MAP2: variants seen among roughly 807,000 people sequenced by gnomAD.
MAP2 encodes the protein microtubule associated protein 2.
A neutral mutation model predicts 137.6 loss-of-function variants in MAP2; 14 were observed. The observed-to-expected ratio is 0.10, with a 90% CI of 0.07 to 0.16. MAP2 has a LOEUF of 0.16. Ranked by LOEUF, MAP2 falls within the 10% of genes least tolerant of loss-of-function variation. The probability of loss-of-function intolerance (pLI) is 1.00; values close to 1 mark genes in which losing one functional copy is unlikely to be tolerated. For synonymous variants in MAP2, 786 were observed against 782.3 expected (o/e 1.00, Z -0.08); for missense variants, 2,088 against 2,191.5 (o/e 0.95, Z 0.94).
At chr2:209,553,954 C>G (rs1395111191) in intron 2 of MAP2, among the ~76,000 whole-genome samples, 2 of 152,156 alleles carry the variant, frequency 1.3e-5, no homozygotes, top group African/African-American at 4.8e-5. Context: ...CTCGTGATGT[C>G]ACTGACCACA....
At position 209,695,952 on chromosome 2, in the gene MAP2, G is replaced by A. The variant is rs904913077; in HGVS notation, c.3782G>A (p.Gly1261Asp). 3 of 1,613,980 alleles carry A rather than the reference G, an allele frequency of 1.9e-6. No individual in the cohort carries two copies. Among genetic ancestry groups the A allele is most frequent in the East Asian group, 2.2e-5 (1 of 44,872 alleles). Residue 1261 changes from glycine to aspartate, a missense_variant, in exon 8 of 16, where the codon GGT (glycine) becomes GAT (aspartate). Transcript: ENST00000682079. Reference sequence around the variant, plus strand: ...GACACCCTTCAGATAACTGACCTGGGTGTCTCAGGTGCCAGGGAGGAATTT... The same window carrying A: ...GACACCCTTCAGATAACTGACCTGGATGTCTCAGGTGCCAGGGAGGAATTT... Reference protein sequence around the residue: ...RSDTLQITDLGVSGAREEFVE... With the variant: ...RSDTLQITDLDVSGAREEFVE...
chr2:209,724,499 A>G (rs1054323551), intron 13 of MAP2, among the ~76,000 whole-genome samples: 2 of 152,158 alleles, frequency 1.3e-5, no homozygotes, highest in African/African-American at 4.8e-5. Context: ...AGTAATTTAC[A>G]GGGTGTCGAG....
At chr2:209,436,029 T>TACAGTATATATTATAAATA (rs1553537341) in intron 1 of MAP2, among the ~76,000 whole-genome samples, 1 of 142,074 alleles carries the variant, frequency 7.0e-6, no homozygotes, top group Non-Finnish European at 1.5e-5. Flanking sequence ...ATATAAAATA[T>TACAGTATATATTATAAATA]ATATATATGT....
intron 1 of MAP2, among the ~76,000 whole-genome samples, chr2:209,499,945 C>T (rs2060186277): frequency 6.6e-6 from 1 of 152,136 alleles, no homozygotes; most frequent in Non-Finnish European, 1.5e-5. Flanking sequence ...GAATAAAATT[C>T]AACATGAGAT....
chr2:209,683,127 T>G (rs754388806), intron 7 of MAP2, among the ~76,000 whole-genome samples: 2 of 152,152 alleles, frequency 1.3e-5, no homozygotes, highest in Non-Finnish European at 2.9e-5. Context: ...TAGGGTAATA[T>G]GATGGATATA....
Position 209,696,571 on chromosome 2 carries a change from T to G in MAP2, c.4210T>G (p.Leu1404Val). ...DDDRSIMTEQ[L>V]ETIPKEEKAE... Reference sequence around the variant, plus strand: ...TGATAGGAGCATCATGACAGAACAGTTAGAAACTATTCCTAAAGAGGAGAA... The same window carrying G: ...TGATAGGAGCATCATGACAGAACAGGTAGAAACTATTCCTAAAGAGGAGAA... The change falls in exon 9 of 16, where the codon TTA becomes GTA. Residue 1404 changes from leucine to valine, a missense_variant. Leu to Val is a conservative substitution (Grantham distance 32, BLOSUM62 1). Coordinates refer to ENST00000682079, the MANE Select transcript of MAP2 (RefSeq NM_001375505.1). 1.9e-6 allele frequency: 3 copies of G among 1,613,718 alleles called. No individual in the cohort carries two copies. Among genetic ancestry groups the G allele is most frequent in the Non-Finnish European group, 2.5e-6 (3 of 1,179,888 alleles).
At chr2:209,648,288 A>G (rs2094538712) in intron 4 of MAP2, among the ~76,000 whole-genome samples, 1 of 151,940 alleles carries the variant, frequency 6.6e-6, no homozygotes, top group South Asian at 2.1e-4. Context: ...TTTTCTTGGG[A>G]CAGGGTTTCA....
intron 2 of MAP2, among the ~76,000 whole-genome samples, chr2:209,514,547 A>C (rs920002910): frequency 1.3e-5 from 2 of 152,154 alleles, no homozygotes; most frequent in Non-Finnish European, 2.9e-5. Flanking sequence ...CCCATTCCAA[A>C]GAATAACACA....
intron 2 of MAP2, among the ~76,000 whole-genome samples, chr2:209,535,463 A>G (rs1481210918): frequency 1.3e-5 from 2 of 152,020 alleles, no homozygotes; most frequent in East Asian, 1.9e-4. Flanking sequence ...AGAGATGTCC[A>G]TGTTCTCCTT....
chr2:209,604,887 C>T (rs1056876816), intron 3 of MAP2, among the ~76,000 whole-genome samples: 1 of 152,054 alleles, frequency 6.6e-6, no homozygotes, highest in Admixed American at 6.6e-5. Flanking sequence ...AATAAACTCC[C>T]AATTCTAATG....
intron 4 of MAP2, among the ~76,000 whole-genome samples, chr2:209,628,067 A>G (rs2092581769): frequency 6.6e-6 from 1 of 152,180 alleles, no homozygotes; most frequent in African/African-American, 2.4e-5. Flanking sequence ...TAACTTATGT[A>G]GAATTCACAT....
intron 1 of MAP2, among the ~76,000 whole-genome samples, chr2:209,458,128 C>T (rs1701969461): frequency 6.6e-6 from 1 of 151,986 alleles, no homozygotes; most frequent in Non-Finnish European, 1.5e-5. Context: ...GCCAGAAATC[C>T]CATTTAATAA....
chr2:209,508,367 T>C (rs1251966471), intron 2 of MAP2, among the ~76,000 whole-genome samples: 1 of 152,060 alleles, frequency 6.6e-6, no homozygotes, highest in Non-Finnish European at 1.5e-5. Context: ...ACTTTTTGTA[T>C]AGGCTTTTGA....
rs183947567 is a variant in MAP2 at position 209,472,366 on chromosome 2, A to G, written c.-221-35226A>G. ...GATTGTTCAAGGTATATCAACACCA[A>G]GCTTAAAACTAGAGTCAGGAAGCTG... On this transcript the variant is annotated intron_variant, in intron 1 of 15. Coordinates refer to ENST00000682079, the MANE Select transcript of MAP2 (RefSeq NM_001375505.1). Among the ~76,000 whole-genome samples the G allele has an allele frequency of 4.1e-3, 628 of 152,282 alleles. 3 individuals carry two copies. Among genetic ancestry groups the G allele is most frequent in the African/African-American group, 0.014 (589 of 41,570 alleles).
At position 209,709,937 on chromosome 2, in the gene MAP2, G is replaced by T. The variant is rs373881033; in HGVS notation, c.4756G>T (p.Gly1586Trp). ...AGGGTCAGAGCCAATTCGCAGAGCA[G>T]GGAAGAGTGGTACCTCAACACCCAC... ...TTRSEPIRRA[G>W]KSGTSTPTTP... Residue 1586 changes from glycine to tryptophan, a missense_variant, in exon 13 of 16, where the codon GGG becomes TGG. By Grantham distance (184) the Gly-to-Trp change is radical. Transcript: ENST00000682079. 6 of 1,613,562 alleles carry T rather than the reference G, an allele frequency of 3.7e-6. No individual in the cohort carries two copies. The African/African-American group carries it at 4.0e-5, about 11-fold the overall frequency.
Position 209,710,449 on chromosome 2 carries a change from C to T in MAP2, c.5073+195C>T, listed in dbSNP as rs2065047754. On this transcript the variant is annotated intron_variant, in intron 13 of 15. Coordinates refer to ENST00000682079, the MANE Select transcript of MAP2 (RefSeq NM_001375505.1). ...ACGAAAATCACATGACATGCCCATT[C>T]CTTCTGTTTGTTACTGGGTAAAAAT... 3.3e-5 allele frequency: 19 copies of T among 567,514 alleles called. No individual in the cohort carries two copies. The East Asian group carries it at 5.6e-4, about 17-fold the overall frequency. 35.2% of individuals were successfully genotyped at this position (567,514 alleles called of 1,614,324 possible). A position where few individuals can be genotyped will look rare whatever the true frequency, so the allele number is the denominator to read the frequency against.
At chr2:209,447,563 G>A (rs867616222) in intron 1 of MAP2, among the ~76,000 whole-genome samples, 32 of 152,134 alleles carry the variant, frequency 2.1e-4, no homozygotes, top group Middle Eastern at 3.4e-3. Context: ...AGAAACGATA[G>A]CATTTTGTTT....
At chr2:209,566,646 G>A (rs781523255) in intron 2 of MAP2, among the ~76,000 whole-genome samples, 22 of 152,092 alleles carry the variant, frequency 1.4e-4, no homozygotes, top group Non-Finnish European at 2.9e-4. Flanking sequence ...TGTACAAATA[G>A]TGCTGAATCA....
chr2:209,456,943 A>G (rs192269968), intron 1 of MAP2, among the ~76,000 whole-genome samples: 56 of 152,240 alleles, frequency 3.7e-4, no homozygotes, highest in African/African-American at 1.1e-3. Flanking sequence ...TAGGGAAGTA[A>G]ATTGGTGGCC....
Sources: allele counts gnomAD v4.1 joint callset (sites outside exome capture counted in the v4.1 genomes callset), GRCh38; gene constraint gnomAD v4.1.1; transcripts MANE v1.5; gene names NCBI Gene and HGNC (gene_info 2026-07-23, HGNC 2026-07-21).